EPB41L4A: variants seen among roughly 807,000 people sequenced by gnomAD.
EPB41L4A encodes the protein band 4.1-like protein 4A.
EPB41L4A carries 100 observed loss-of-function variants against 108.6 expected under a neutral mutation model. The observed-to-expected ratio is 0.92, with a 90% CI of 0.78 to 1.09. EPB41L4A has a LOEUF of 1.09. Ranked by LOEUF, EPB41L4A falls within the 50% of genes least tolerant of loss-of-function variation. The probability of loss-of-function intolerance (pLI) is 0.00; values close to 1 mark genes in which losing one functional copy is unlikely to be tolerated. For synonymous variants in EPB41L4A, 319 were observed against 289.0 expected (o/e 1.10, Z -1.05); for missense variants, 1,030 against 842.7 (o/e 1.22, Z -2.75).
chr5:112,285,509 C>T (rs544088191), intron 2 of EPB41L4A, among the ~76,000 whole-genome samples: 1 of 152,252 alleles, frequency 6.6e-6, no homozygotes, highest in East Asian at 1.9e-4. Context: ...CTTTAATTTG[C>T]TCCTTCATAT....
intron 4 of EPB41L4A, among the ~76,000 whole-genome samples, chr5:112,274,575 G>T (rs1439518836): frequency 6.6e-6 from 1 of 152,136 alleles, no homozygotes. Flanking sequence ...TTTAAAGGAG[G>T]TATTAGGCTT....
At chr5:112,315,603 T>A (rs1174658827) in intron 1 of EPB41L4A, among the ~76,000 whole-genome samples, 2 of 152,220 alleles carry the variant, frequency 1.3e-5, no homozygotes, top group Non-Finnish European at 2.9e-5. Flanking sequence ...AACTTTAAAA[T>A]ACACATTTGT....
At chr5:112,326,998 C>T (rs1315997254) in intron 1 of EPB41L4A, among the ~76,000 whole-genome samples, 1 of 152,156 alleles carries the variant, frequency 6.6e-6, no homozygotes, top group African/African-American at 2.4e-5. Context: ...TACTAGAGAC[C>T]TTTAATACTG....
intron 12 of EPB41L4A, among the ~76,000 whole-genome samples, chr5:112,216,920 C>A (rs535800557): frequency 3.3e-5 from 5 of 152,002 alleles, no homozygotes; most frequent in African/African-American, 1.2e-4. Flanking sequence ...CCACAAATTA[C>A]GGCCAAATAG....
chr5:112,378,291 T>C (rs1433934037), intron 1 of EPB41L4A, among the ~76,000 whole-genome samples: 1 of 152,212 alleles, frequency 6.6e-6, no homozygotes, highest in Non-Finnish European at 1.5e-5. Flanking sequence ...TTGGTCTATA[T>C]AGCTTGCAAA....
At chr5:112,412,782 G>A (rs1762485525) in intron 1 of EPB41L4A, among the ~76,000 whole-genome samples, 1 of 152,224 alleles carries the variant, frequency 6.6e-6, no homozygotes, top group Admixed American at 6.5e-5. Flanking sequence ...GTCAATCTCA[G>A]AGAGGCAGGA....
At chr5:112,306,520 G>A (rs1272738412) in intron 2 of EPB41L4A, among the ~76,000 whole-genome samples, 1 of 152,130 alleles carries the variant, frequency 6.6e-6, no homozygotes, top group Non-Finnish European at 1.5e-5. Context: ...TTCACTGAAT[G>A]TACCACAAAT....
chr5:112,173,082 A>C (rs912323790), intron 18 of EPB41L4A, among the ~76,000 whole-genome samples: 2 of 152,296 alleles, frequency 1.3e-5, no homozygotes, highest in South Asian at 4.1e-4. Context: ...TAAGGGTATG[A>C]CCTAGGAATT....
intron 1 of EPB41L4A, among the ~76,000 whole-genome samples, chr5:112,391,014 G>A (rs545312255): frequency 2.0e-5 from 3 of 152,144 alleles, no homozygotes; most frequent in Non-Finnish European, 4.4e-5. Context: ...CAAACAGAAA[G>A]GAATAGCATC....
At chr5:112,323,316 GA>G (rs1197957795) in intron 1 of EPB41L4A, among the ~76,000 whole-genome samples, 11 of 152,156 alleles carry the variant, frequency 7.2e-5, no homozygotes, top group Admixed American at 2.0e-4. Context: ...GCAGCAATAA[GA>G]AAAGACACAT....
chr5:112,265,690 T>C (rs1241586727), intron 5 of EPB41L4A, among the ~76,000 whole-genome samples: 1 of 152,252 alleles, frequency 6.6e-6, no homozygotes, highest in Non-Finnish European at 1.5e-5. Context: ...GCTTGATTCT[T>C]AGAAGGTGTC....
chr5:112,182,789 CTT>C (rs11317660), intron 18 of EPB41L4A, among the ~76,000 whole-genome samples: 1 of 140,570 alleles, frequency 7.1e-6, no homozygotes, highest in African/African-American at 2.6e-5. Flanking sequence ...TCTAAACTTC[CTT>C]TTTTTTTTAA....
At position 112,339,527 on chromosome 5, in the gene EPB41L4A, T is replaced by G. The variant is rs1315753167; in HGVS notation, c.100-32037A>C. Among the ~76,000 whole-genome samples the G allele has an allele frequency of 2.0e-3, 131 of 66,588 alleles. 2 individuals are homozygous for G. The highest frequency in any genetic ancestry group is 8.4e-4 in the Non-Finnish European group (30 of 35,902). 43.7% of individuals were successfully genotyped at this position (66,588 alleles called of 152,430 possible). A position where few individuals can be genotyped will look rare whatever the true frequency, so the allele number is the denominator to read the frequency against. ...ATATATATAGATATATAGATATATA[T>G]CTATATATATATATATTTTTTTTTT... is the stretch of plus-strand genomic sequence containing the variant. On this transcript the variant is annotated intron_variant, in intron 1 of 22. Coordinates refer to ENST00000261486, the MANE Select transcript of EPB41L4A (RefSeq NM_022140.5).
In EPB41L4A at chr5:112,399,978, C is replaced by T. The variant is rs187960411; in HGVS notation, c.99+18963G>A. Among the ~76,000 whole-genome samples the T allele has an allele frequency of 3.9e-3, 600 of 152,344 alleles. 5 individuals carry two copies. The highest frequency in any genetic ancestry group is 0.013 in the African/African-American group (542 of 41,584). ...ACATTTATGTGTTAGGCCGTTCTTG[C>T]ATTGCTATAAAGAAATACCTGAGAC... On this transcript the variant is annotated intron_variant, in intron 1 of 22. Coordinates refer to ENST00000261486, the MANE Select transcript of EPB41L4A (RefSeq NM_022140.5).
intron 9 of EPB41L4A, among the ~76,000 whole-genome samples, chr5:112,242,267 T>C (rs577360162): frequency 2.6e-5 from 4 of 152,234 alleles, no homozygotes; most frequent in Non-Finnish European, 5.9e-5. Flanking sequence ...CACTACTTTA[T>C]CAATTAAGTT....
At chr5:112,225,834 T>C (rs764275778) in intron 12 of EPB41L4A, among the ~76,000 whole-genome samples, 1 of 152,254 alleles carries the variant, frequency 6.6e-6, no homozygotes, top group Non-Finnish European at 1.5e-5. Flanking sequence ...TTCGTCTCTA[T>C]ATTGTAGACT....
At chr5:112,382,592 T>C (rs1760244001) in intron 1 of EPB41L4A, among the ~76,000 whole-genome samples, 1 of 152,222 alleles carries the variant, frequency 6.6e-6, no homozygotes, top group South Asian at 2.1e-4. Context: ...CAGGAATATC[T>C]CTTCCAGGAT....
chr5:112,379,011 AG>A (rs1297596810), intron 1 of EPB41L4A, among the ~76,000 whole-genome samples: 1 of 152,154 alleles, frequency 6.6e-6, no homozygotes, highest in East Asian at 1.9e-4. Flanking sequence ...ATGAGCGTGC[AG>A]GGGTGTACAG....
At chr5:112,206,320 T>C (rs935252169) in intron 13 of EPB41L4A, among the ~76,000 whole-genome samples, 3 of 151,982 alleles carry the variant, frequency 2.0e-5, no homozygotes, top group African/African-American at 4.8e-5. Flanking sequence ...GAGGAGTACT[T>C]TGTAACAGCC....
Sources: gnomAD v4.1 joint callset for allele counts (sites outside exome capture counted in the v4.1 genomes callset) on GRCh38, gnomAD v4.1.1 for gene constraint, MANE v1.5 for transcripts, NCBI Gene and HGNC (gene_info 2026-07-23, HGNC 2026-07-21) for gene names.